LOXHD1: variants seen among roughly 807,000 people sequenced by gnomAD.
The protein encoded by LOXHD1 is lipoxygenase homology PLAT domains 1.
Under a neutral mutation model 248.2 loss-of-function variants are expected in LOXHD1, and 205 were observed. The ratio of observed to expected loss-of-function variants is 0.83; its 90% confidence interval spans 0.74 to 0.93. LOXHD1 has a LOEUF of 0.93. Among genes scored for constraint, LOXHD1 ranks in the 40% least tolerant of loss-of-function variants. The pLI, the probability that LOXHD1 is intolerant of heterozygous loss-of-function variation, is 0.00. For synonymous variants in LOXHD1, 1,113 were observed against 1,162.8 expected (o/e 0.96, Z 0.87); for missense variants, 2,930 against 2,971.6 (o/e 0.99, Z 0.33).
chr18:46,594,537 G>A, intron 8 of LOXHD1, 71 bp from the exon 9 acceptor site: 3 of 1,521,398 alleles, frequency 2.0e-6, no homozygotes, highest in Non-Finnish European at 2.7e-6. Context: ...TGTTCAGCAG[G>A]CTCCCAGCCC....
intron 34 of LOXHD1, among the ~76,000 whole-genome samples, chr18:46,510,592 T>C (rs2034900025): frequency 1.3e-5 from 2 of 152,216 alleles, no homozygotes; most frequent in African/African-American, 4.8e-5. Flanking sequence ...CTCGGGGTAA[T>C]GCAGGTGGCA....
chr18:46,573,547 C>T (rs1304752098), intron 14 of LOXHD1, among the ~76,000 whole-genome samples: 3 of 152,176 alleles, frequency 2.0e-5, no homozygotes, highest in Non-Finnish European at 2.9e-5. Context: ...ACTCCATTAC[C>T]CTACTGAGAG....
At chr18:46,572,638 A>G (rs938791176) in intron 14 of LOXHD1, among the ~76,000 whole-genome samples, 1 of 152,178 alleles carries the variant, frequency 6.6e-6, no homozygotes, top group Non-Finnish European at 1.5e-5. Flanking sequence ...CATCATTAGC[A>G]TAGAAAACAA....
intron 25 of LOXHD1, 125 bp from the exon 26 acceptor site, chr18:46,538,462 G>T (rs1464320478): frequency 2.1e-6 from 2 of 960,284 alleles, no homozygotes; most frequent in Admixed American, 2.1e-5. Context: ...GCTGCCCGGG[G>T]AACTGCTGCT....
At chr18:46,538,609 G>C (rs1423948431) in intron 25 of LOXHD1, among the ~76,000 whole-genome samples, 1 of 152,160 alleles carries the variant, frequency 6.6e-6, no homozygotes, top group African/African-American at 2.4e-5. Flanking sequence ...GTAGCAGACT[G>C]GTTGAAAGCA....
chr18:46,638,260 A>T (rs946378597), intron 4 of LOXHD1, among the ~76,000 whole-genome samples: 1 of 152,254 alleles, frequency 6.6e-6, no homozygotes, highest in African/African-American at 2.4e-5. Context: ...TCATGTTTGC[A>T]TATATCTATT....
At position 46,563,206 on chromosome 18, in the gene LOXHD1, C is replaced by T. The variant is rs778922766; in HGVS notation, c.2457G>A (p.Glu819=). 5 of 1,514,992 alleles carry T rather than the reference C, an allele frequency of 3.3e-6. No homozygotes were observed. Among genetic ancestry groups the T allele is most frequent in the Non-Finnish European group, 4.5e-6 (5 of 1,117,286 alleles). The allele number at this position is 1,514,992 out of a possible 1,614,324, so 93.8% of individuals were successfully genotyped here. Residue 819 remains glutamate, a synonymous_variant, in exon 18 of 41, where the codon GAG becomes GAA. Coordinates refer to ENST00000642948, the MANE Select transcript of LOXHD1 (RefSeq NM_001384474.1). Reference sequence around the variant, plus strand: ...CGCCACCCACATCTCCTGTCCAAATCTCAACCTCATAGTGGACCACTGGGT... The same window carrying T: ...CGCCACCCACATCTCCTGTCCAAATTTCAACCTCATAGTGGACCACTGGGT... The part of the protein sequence containing the change: ...EIQKLVHYEV[E]IWTGDVGGAG...
chr18:46,628,351 T>C (rs1458109669), intron 4 of LOXHD1, among the ~76,000 whole-genome samples: 1 of 152,142 alleles, frequency 6.6e-6, no homozygotes, highest in Non-Finnish European at 1.5e-5. Flanking sequence ...TGGAGGAAAG[T>C]GCTGCAGGGC....
At chr18:46,548,488 A>C (rs981768405) in intron 21 of LOXHD1, among the ~76,000 whole-genome samples, 1 of 152,210 alleles carries the variant, frequency 6.6e-6, no homozygotes, top group Non-Finnish European at 1.5e-5. Context: ...CATGGATTTA[A>C]AGGAGCTCGA....
intron 23 of LOXHD1, among the ~76,000 whole-genome samples, chr18:46,543,122 G>A (rs1011258998): frequency 1.3e-5 from 2 of 152,144 alleles, no homozygotes; most frequent in Non-Finnish European, 1.5e-5. Flanking sequence ...CATCACCTGA[G>A]CTGTGTACTC....
Position 46,632,702 on chromosome 18 carries a change from T to A in LOXHD1, c.511+6914A>T, listed in dbSNP as rs2038841787. On this transcript the variant is annotated intron_variant, in intron 4 of 40. Transcript: ENST00000642948. ...TCTGGAGCAATTTGATAGCCAAGAC[T>A]CTGTTCCCAGGGATAATAAATGCGG... 6.6e-5 allele frequency among the ~76,000 whole-genome samples: 10 copies of A among 152,204 alleles called. 1 individual carries two copies. The South Asian group carries it at 2.1e-3, about 32-fold the overall frequency.
chr18:46,624,930 G>A (rs1465614929), intron 4 of LOXHD1, among the ~76,000 whole-genome samples: 2 of 151,992 alleles, frequency 1.3e-5, no homozygotes, highest in African/African-American at 4.8e-5. Flanking sequence ...AAAATCATAA[G>A]TGCCTCTGAT....
chr18:46,563,310 C>T, intron 17 of LOXHD1, 85 bp from the exon 18 acceptor site: 2 of 1,335,028 alleles, frequency 1.5e-6, no homozygotes, highest in South Asian at 3.8e-5. Context: ...TTTCCTGAGC[C>T]TGTTCCAGGT....
At chr18:46,528,550 TG>T (rs532920306) in intron 29 of LOXHD1, among the ~76,000 whole-genome samples, 158 of 152,260 alleles carry the variant, frequency 1.0e-3, no homozygotes, top group Non-Finnish European at 2.0e-3. Context: ...ACAGACGGCT[TG>T]CCTGGCACTG....
At position 46,489,333 on chromosome 18, in the gene LOXHD1, A is replaced by T. The variant is rs187758491; in HGVS notation, c.5879-191T>A. Among the ~76,000 whole-genome samples the T allele has an allele frequency of 8.8e-4, 134 of 152,264 alleles. 1 individual carries two copies. The highest frequency in any genetic ancestry group is 1.6e-3 in the Admixed American group (25 of 15,292). On this transcript the variant is annotated intron_variant, in intron 37 of 40. Transcript: ENST00000642948. ...TCAGAGGGTTCCTCCAGCACAGAGG[A>T]TATAATTTTCTGCAAAGCCCTTAAC... is the stretch of plus-strand genomic sequence containing the variant.
intron 21 of LOXHD1, 120 bp downstream of exon 21, chr18:46,557,236 C>T: frequency 1.6e-6 from 2 of 1,242,960 alleles, no homozygotes; most frequent in Non-Finnish European, 2.3e-6. Flanking sequence ...TCACCCAGCC[C>T]ACCCTCACCC....
At chr18:46,571,304 GA>G (rs202124120) in intron 15 of LOXHD1, among the ~76,000 whole-genome samples, 1,702 of 151,706 alleles carry the variant, frequency 0.011, 11 homozygotes, top group Middle Eastern at 0.02. Flanking sequence ...CCCATCTGTA[GA>G]AAAAAAATAT....
At chr18:46,569,023 ACT>A (rs2037697800) in intron 16 of LOXHD1, among the ~76,000 whole-genome samples, 1 of 152,052 alleles carries the variant, frequency 6.6e-6, no homozygotes, top group Non-Finnish European at 1.5e-5. Context: ...TCTGATGCAC[ACT>A]CAAGTTTGAA....
intron 21 of LOXHD1, among the ~76,000 whole-genome samples, chr18:46,549,091 C>T (rs2036974504): frequency 6.6e-6 from 1 of 152,316 alleles, no homozygotes; most frequent in Non-Finnish European, 1.5e-5. Context: ...CTACTGACCC[C>T]TGCCTCTTCC....
Sources: gnomAD v4.1 joint callset for allele counts (sites outside exome capture counted in the v4.1 genomes callset) on GRCh38, gnomAD v4.1.1 for gene constraint, MANE v1.5 for transcripts, NCBI Gene and HGNC (gene_info 2026-07-23, HGNC 2026-07-21) for gene names.